KIF21A: variants seen among roughly 807,000 people sequenced by gnomAD.
KIF21A encodes kinesin-like protein KIF21A.
Under a neutral mutation model 202.9 loss-of-function variants are expected in KIF21A, and 114 were observed. That is an observed-to-expected ratio of 0.56 (90% CI 0.48 to 0.66). The LOEUF (loss-of-function observed/expected upper bound fraction) is 0.66. Ranked by LOEUF, KIF21A falls within the 30% of genes least tolerant of loss-of-function variation. The pLI, the probability that KIF21A is intolerant of heterozygous loss-of-function variation, is 0.00. For missense variants in KIF21A, 1,677 were observed against 1,994.9 expected (o/e 0.84, Z 3.04); for synonymous variants, 667 against 670.8 (o/e 0.99, Z 0.09).
Position 39,342,130 on chromosome 12 carries a change from A to G in KIF21A, c.1713-6T>C. On this transcript the variant is annotated splice_polypyrimidine_tract_variant and splice_region_variant and intron_variant, in intron 12 of 37. Coordinates refer to ENST00000361418, the MANE Select transcript of KIF21A (RefSeq NM_001173464.2). ...TATCCTCTTTACCAGCCACACTAAA[A>G]AAAGGAACATAAGGGTATGGTGTTA... 1 of 1,582,938 alleles carries G rather than the reference A, an allele frequency of 6.3e-7. No homozygotes were observed. Among genetic ancestry groups the G allele is most frequent in the South Asian group, 1.1e-5 (1 of 90,440 alleles).
chr12:39,341,490 C>A lies in KIF21A; in HGVS notation c.1921+15G>T, dbSNP rs1485780493. The A allele has an allele frequency of 1.2e-6, 2 of 1,610,766 alleles. No individual in the cohort carries two copies. The highest frequency in any genetic ancestry group is 1.1e-5 in the South Asian group (1 of 91,014). ...CCCAAAATGAATTTTTGCCCTTATACCAAAGGGCAAGTACCTTTTTCATCT... is the reference window on the plus strand; with the variant it reads ...CCCAAAATGAATTTTTGCCCTTATAACAAAGGGCAAGTACCTTTTTCATCT... On this transcript the variant is annotated intron_variant, in intron 14 of 37. Coordinates refer to ENST00000361418, the MANE Select transcript of KIF21A (RefSeq NM_001173464.2).
intron 11 of KIF21A, among the ~76,000 whole-genome samples, chr12:39,348,531 G>A (rs1163319577): frequency 2.6e-5 from 4 of 151,952 alleles, no homozygotes; most frequent in Admixed American, 2.0e-4. Flanking sequence ...AAACACAAAC[G>A]CAGCTTCTGG....
chr12:39,375,146 C>A (rs1464422671), intron 1 of KIF21A, among the ~76,000 whole-genome samples: 1 of 151,896 alleles, frequency 6.6e-6, no homozygotes, highest in Non-Finnish European at 1.5e-5. Flanking sequence ...TTGTAATAAC[C>A]GAAACTGGTT....
intron 1 of KIF21A, among the ~76,000 whole-genome samples, chr12:39,440,080 AG>A (rs537947386): frequency 2.0e-5 from 3 of 152,242 alleles, no homozygotes; most frequent in Non-Finnish European, 4.4e-5. Context: ...ACTGAAGGGT[AG>A]GGTAACAGGA....
At position 39,357,394 on chromosome 12, in the gene KIF21A, T is replaced by C; in HGVS notation, c.1259A>G (p.Asp420Gly). ...IDEEGVESIN[D>G]MFHENAMLQT... The stretch of plus-strand genomic sequence containing the variant: ...TAGCATAGCATTCTCATGAAACATG[T>C]CATTGATGCTTTCCACACCCTCTTC... Residue 420 changes from aspartate to glycine, a missense_variant, in exon 9 of 38, where the codon GAC becomes GGC. Transcript: ENST00000361418. 6.2e-7 allele frequency: 1 copy of C among 1,614,162 alleles called. No individual in the cohort carries two copies. The highest frequency in any genetic ancestry group is 1.1e-5 in the South Asian group (1 of 91,090).
At chr12:39,305,859 A>G (rs1943420331) in intron 34 of KIF21A, among the ~76,000 whole-genome samples, 1 of 152,240 alleles carries the variant, frequency 6.6e-6, no homozygotes, top group African/African-American at 2.4e-5. Context: ...AAGTAAAATT[A>G]TTTTATTACA....
At chr12:39,333,357 C>A in intron 17 of KIF21A, 77 bp from the exon 18 acceptor site, 1 of 1,072,930 alleles carries the variant, frequency 9.3e-7, no homozygotes, top group Non-Finnish European at 1.4e-6. Context: ...GAATATATTT[C>A]CCCATACCCC....
At chr12:39,413,559 G>A (rs1762169647) in intron 1 of KIF21A, among the ~76,000 whole-genome samples, 1 of 152,062 alleles carries the variant, frequency 6.6e-6, no homozygotes, top group Admixed American at 6.6e-5. Context: ...GTTCTACAAG[G>A]AATCACTAAT....
At position 39,341,415 on chromosome 12, in the gene KIF21A, A is replaced by G. The variant is rs543734661; in HGVS notation, c.1921+90T>C. 4 of 1,263,102 alleles carry G rather than the reference A, an allele frequency of 3.2e-6. No homozygotes were observed. In the Admixed American group the frequency reaches 5.5e-5, roughly 17 times the overall value. The allele number at this position is 1,263,102 out of a possible 1,614,324, so 78.2% of individuals were successfully genotyped here. A position where few individuals can be genotyped will look rare whatever the true frequency, so the allele number is the denominator to read the frequency against. ...GTGGTCACAGAAGTTTCTTTCATCAAGTATGAAATAGAGAATGTTAAGAGT... is the reference window on the plus strand; with the variant it reads ...GTGGTCACAGAAGTTTCTTTCATCAGGTATGAAATAGAGAATGTTAAGAGT... On this transcript the variant is annotated intron_variant, in intron 14 of 37. Transcript: ENST00000361418.
In KIF21A at chr12:39,337,118, T is replaced by C. The variant is rs1355495662; in HGVS notation, c.2396A>G (p.Lys799Arg). ...SRRNREIAQL[K>R]KDQRKRDHQL... ...TACATCTCTTTTACGTTGATCCTTT[T>C]TCAACTGAGCAATCTCTCTGTTTCT... Residue 799 changes from lysine (K) to arginine (R), a missense_variant, in exon 17 of 38, where the codon AAA becomes AGA. This residue lies in a region of KIF21A where 966 missense variants were observed against 1,180.9 expected (regional missense o/e 0.82). Coordinates refer to ENST00000361418, the MANE Select transcript of KIF21A (RefSeq NM_001173464.2). 2 of 1,607,982 alleles carry C rather than the reference T, an allele frequency of 1.2e-6. No individual in the cohort carries two copies. Among genetic ancestry groups the C allele is most frequent in the Middle Eastern group, 1.7e-4 (1 of 6,044 alleles).
chr12:39,369,820 T>G lies in KIF21A; in HGVS notation c.359A>C (p.His120Pro). 1 of 1,612,588 alleles carries G rather than the reference T, an allele frequency of 6.2e-7. No homozygotes were observed. The highest frequency in any genetic ancestry group is 8.5e-7 in the Non-Finnish European group (1 of 1,178,852). ...ELGIISRAVK[H>P]LFKSIEEKKH... The stretch of plus-strand genomic sequence containing the variant: ...TTTTTCTTCAATACTCTTAAAAAGG[T>G]GTTTAACAGCTCGAGAAATAATACC... The change falls in exon 3 of 38, where the codon CAC becomes CCC. Residue 120 changes from histidine (H) to proline (P), a missense_variant. Around this residue, in one of 3 missense-constraint regions of KIF21A, gnomAD observed 966 missense variants for 1,180.9 expected, o/e 0.82. Transcript: ENST00000361418.
At chr12:39,324,726 T>C (rs1945675035) in intron 26 of KIF21A, among the ~76,000 whole-genome samples, 1 of 152,210 alleles carries the variant, frequency 6.6e-6, no homozygotes, top group Admixed American at 6.5e-5. Flanking sequence ...TCCTTTTAGA[T>C]GGGGCATGTA....
rs774185664 is a variant in KIF21A at position 39,332,709 on chromosome 12, A to T, written c.2738T>A (p.Val913Glu). Reference sequence around the variant, plus strand: ...CATGCGAGCTGTCTTGGAAATAAACACTCGGCCAGTCAATCCTTTCCTCTG... The same window carrying T: ...CATGCGAGCTGTCTTGGAAATAAACTCTCGGCCAGTCAATCCTTTCCTCTG... ...KYQRKGLTGR[V>E]FISKTARMKW... The change falls in exon 20 of 38, where the codon GTG becomes GAG. Residue 913 changes from valine (V) to glutamate (E), a missense_variant. This residue lies in a region of KIF21A where 966 missense variants were observed against 1,180.9 expected (regional missense o/e 0.82). Transcript: ENST00000361418. 6.2e-7 allele frequency: 1 copy of T among 1,614,036 alleles called. No individual in the cohort carries two copies. Among genetic ancestry groups the T allele is most frequent in the East Asian group, 2.2e-5 (1 of 44,870 alleles).
rs190659855 is a variant in KIF21A, at chr12:39,329,089, T to C, written c.3340+1153A>G. ...ATAAAACTGGAGAACAACTAAATGA[T>C]TTTTAAAGCAATGTACCTATAACTT... On this transcript the variant is annotated intron_variant, in intron 24 of 37. Transcript: ENST00000361418. Among the ~76,000 whole-genome samples the C allele has an allele frequency of 1.2e-3, 176 of 152,336 alleles. 1 individual carries two copies. The highest frequency in any genetic ancestry group is 3.4e-3 in the Middle Eastern group (1 of 294).
chr12:39,343,347 G>A (rs1049297697), intron 12 of KIF21A, among the ~76,000 whole-genome samples: 4 of 151,826 alleles, frequency 2.6e-5, no homozygotes, highest in East Asian at 1.9e-4. Flanking sequence ...GCAACAGAGC[G>A]AGACTCTGTC....
intron 34 of KIF21A, 27 bp from the exon 35 acceptor site, chr12:39,304,965 G>T: frequency 8.8e-7 from 1 of 1,133,690 alleles, no homozygotes; most frequent in Non-Finnish European, 1.3e-6. Context: ...AAATAGTTTT[G>T]TTTAAAATTA....
chr12:39,410,498 T>C (rs1347441955), intron 1 of KIF21A, among the ~76,000 whole-genome samples: 1 of 152,198 alleles, frequency 6.6e-6, no homozygotes, highest in Non-Finnish European at 1.5e-5. Flanking sequence ...GTTAACTCAC[T>C]ATTCTTAGTA....
intron 15 of KIF21A, among the ~76,000 whole-genome samples, chr12:39,340,647 A>G (rs1947363882): frequency 6.6e-6 from 1 of 152,162 alleles, no homozygotes; most frequent in South Asian, 2.1e-4. Context: ...GCCTAGGCAG[A>G]TATCGGTATG....
intron 26 of KIF21A, among the ~76,000 whole-genome samples, chr12:39,324,307 A>G (rs1429324866): frequency 2.0e-5 from 3 of 152,302 alleles, no homozygotes; most frequent in South Asian, 4.1e-4. Context: ...TGGTTCTTTC[A>G]GGAGATGACC....
Sources: allele counts gnomAD v4.1 joint callset (sites outside exome capture counted in the v4.1 genomes callset), GRCh38; gene constraint gnomAD v4.1.1; regional missense constraint gnomAD v4.1.1; transcripts MANE v1.5; gene names NCBI Gene and HGNC (gene_info 2026-07-23, HGNC 2026-07-21).